NDUFAF6: variants seen among roughly 807,000 people sequenced by gnomAD.
NDUFAF6 encodes NADH dehydrogenase (ubiquinone) complex I, assembly factor 6.
Under a neutral mutation model 40.8 loss-of-function variants are expected in NDUFAF6, and 45 were observed. The ratio of observed to expected loss-of-function variants is 1.10; its 90% CI spans 0.87 to 1.42. The LOEUF (loss-of-function observed/expected upper bound fraction) is 1.42. Among genes scored for constraint, NDUFAF6 ranks in the 40% most tolerant of loss-of-function variants. NDUFAF6 has a pLI of 0.00. For missense variants in NDUFAF6, 435 were observed against 418.5 expected, an observed-to-expected ratio of 1.04 and a Z score of -0.34; for synonymous variants, 185 against 155.9, an observed-to-expected ratio of 1.19 and a Z score of -1.39.
intron 1 of NDUFAF6, among the ~76,000 whole-genome samples, chr8:94,940,388 A>G (rs1172427163): frequency 6.6e-6 from 1 of 152,112 alleles, no homozygotes; most frequent in East Asian, 1.9e-4. Flanking sequence ...TATTTAGTTC[A>G]GAAAACCATT....
At chr8:95,028,092 C>T (rs974355449) in intron 1 of NDUFAF6, among the ~76,000 whole-genome samples, 12 of 152,214 alleles carry the variant, frequency 7.9e-5, no homozygotes, top group African/African-American at 2.9e-4. Context: ...TCCTTTGTGC[C>T]TCAGTGGCAC....
intron 1 of NDUFAF6, among the ~76,000 whole-genome samples, chr8:94,977,613 TCTCTC>T (rs1325104101): frequency 6.6e-6 from 1 of 151,730 alleles, no homozygotes; most frequent in Non-Finnish European, 1.5e-5. Flanking sequence ...TCTCTCTCTC[TCTCTC>T]TCCTTGTGCC....
chr8:94,982,504 G>A (rs947897092), intron 2 of NDUFAF6, among the ~76,000 whole-genome samples: 18 of 152,174 alleles, frequency 1.2e-4, no homozygotes, highest in Admixed American at 9.8e-4. Context: ...GCATGACTGC[G>A]TATCTCCCCT....
At chr8:94,914,667 A>T (rs758650783) in intron 1 of NDUFAF6, among the ~76,000 whole-genome samples, 3 of 152,108 alleles carry the variant, frequency 2.0e-5, no homozygotes, top group Non-Finnish European at 4.4e-5. Flanking sequence ...GCTCACGCCT[A>T]TAATCTCAGC....
intron 1 of NDUFAF6, among the ~76,000 whole-genome samples, chr8:94,923,841 G>A (rs1438697104): frequency 1.1e-4 from 9 of 81,066 alleles, no homozygotes; most frequent in Admixed American, 4.9e-4. Flanking sequence ...CACCACGCCC[G>A]ACTAATTTTT....
At chr8:94,948,023 T>TCA (rs1246795300) in intron 2 of NDUFAF6, among the ~76,000 whole-genome samples, 1 of 152,154 alleles carries the variant, frequency 6.6e-6, no homozygotes, top group Non-Finnish European at 1.5e-5. Context: ...ACCCCAAGGG[T>TCA]CACATTGTTC....
At position 95,052,239 on chromosome 8, in the gene NDUFAF6, A is replaced by G. The variant is rs1166808130; in HGVS notation, c.873+9A>G. On this transcript the variant is annotated intron_variant, in intron 8 of 8. Coordinates refer to ENST00000396124, the MANE Select transcript of NDUFAF6 (RefSeq NM_152416.4). The stretch of plus-strand genomic sequence containing the variant: ...CTGCTTTTCTTCAGACGGTAAGTAG[A>G]TTAACAGAGAAGGCTGTATAATTAG... The G allele has an allele frequency of 1.3e-5, 21 of 1,613,148 alleles. No individual in the cohort carries two copies. The highest frequency in any genetic ancestry group is 1.8e-5 in the Non-Finnish European group (21 of 1,179,260).
At position 94,939,898 on chromosome 8, in the gene NDUFAF6, G is replaced by A. The variant is rs146135553; in HGVS notation, c.-935-5585G>A. ...GGCTATGTAATTCATCAGTCCCACG[G>A]GTGGCCTCACTGAGACCAGGGCAGG... On this transcript the variant is annotated intron_variant, in intron 1 of 14. Coordinates refer to the NDUFAF6 transcript ENST00000396113. 6 of 1,613,934 alleles carry A rather than the reference G, an allele frequency of 3.7e-6. No homozygotes were observed. In the African/African-American group the frequency reaches 8.0e-5, roughly 22 times the overall value.
At chr8:95,066,022 G>A (rs1832694558) in intron 9 of NDUFAF6, among the ~76,000 whole-genome samples, 1 of 152,194 alleles carries the variant, frequency 6.6e-6, no homozygotes, top group Non-Finnish European at 1.5e-5. Flanking sequence ...TGCATCCACA[G>A]ATGGTTGTCC....
chr8:95,098,264 G>A (rs1809532234), upstream of NDUFAF6, among the ~76,000 whole-genome samples: 1 of 152,228 alleles, frequency 6.6e-6, no homozygotes, highest in Admixed American at 6.5e-5. Context: ...CCGGGCTGGT[G>A]GCTCACGCCT....
intron 1 of NDUFAF6, among the ~76,000 whole-genome samples, chr8:94,941,844 C>T (rs1821567271): frequency 6.6e-6 from 1 of 152,198 alleles, no homozygotes; most frequent in African/African-American, 2.4e-5. Flanking sequence ...TGAAGAACTC[C>T]AGGCTTGCTT....
intron 2 of NDUFAF6, among the ~76,000 whole-genome samples, chr8:95,015,164 G>A (rs7002940): frequency 0.14 from 21,829 of 152,082 alleles, 1,590 homozygotes; most frequent in Middle Eastern, 0.25. Flanking sequence ...CTCCAGACTC[G>A]AATCCATCTT....
intron 2 of NDUFAF6, chr8:94,949,411 C>T (rs1267091316): frequency 6.6e-6 from 1 of 151,610 alleles, no homozygotes; most frequent in African/African-American, 2.4e-5. Flanking sequence ...CCGTCGGGCC[C>T]CGCTGCCCCG....
intron 2 of NDUFAF6, among the ~76,000 whole-genome samples, chr8:94,998,858 A>G (rs1218082063): frequency 6.6e-6 from 1 of 152,170 alleles, no homozygotes; most frequent in Admixed American, 6.5e-5. Context: ...GCCAAGTCCT[A>G]TAGATTATAA....
At chr8:95,045,746 GCCTT>G in intron 5 of NDUFAF6, 99 bp downstream of exon 5, 1 of 906,826 alleles carries the variant, frequency 1.1e-6, no homozygotes, top group South Asian at 1.4e-5. Context: ...TAGCACTAAA[GCCTT>G]CCTTTATACT....
downstream of NDUFAF6, among the ~76,000 whole-genome samples, chr8:95,105,064 CACAGAGAGAGAGAGAGAGAG>C (rs1170907359): frequency 4.7e-3 from 496 of 105,784 alleles, 1 homozygote; most frequent in Admixed American, 8.3e-3. Context: ...CACACACACA[CACAGAGAGAGAGAGAGAGAG>C]AGAGAGAGAG....
At chr8:94,981,012 A>G (rs1825398514) in intron 2 of NDUFAF6, 1 of 456,372 alleles carries the variant, frequency 2.2e-6, no homozygotes, top group Admixed American at 2.4e-5. Context: ...TAGTGCCAGC[A>G]CAAAGAGGCT....
chr8:95,113,830 A>G (rs1281910058), intron 4 of NDUFAF6, among the ~76,000 whole-genome samples: 10 of 152,188 alleles, frequency 6.6e-5, no homozygotes. Flanking sequence ...TAGGGGACAG[A>G]GAGAGACTCC....
intron 1 of NDUFAF6, among the ~76,000 whole-genome samples, chr8:94,977,831 A>C (rs1008042350): frequency 2.6e-5 from 4 of 152,014 alleles, no homozygotes; most frequent in Non-Finnish European, 5.9e-5. Flanking sequence ...AAGTCTAGGG[A>C]ATATCTGTTC....
Sources: gnomAD v4.1 joint callset for allele counts (sites outside exome capture counted in the v4.1 genomes callset) on GRCh38, gnomAD v4.1.1 for gene constraint, MANE v1.5 for transcripts, NCBI Gene and HGNC (gene_info 2026-07-23, HGNC 2026-07-21) for gene names.